The following CHN2 variants were observed in gnomAD, a reference collection of about 807,000 sequenced individuals.
CHN2 encodes the protein chimerin 2, also known as beta-chimaerin.
A neutral mutation model predicts 56.3 loss-of-function variants in CHN2; 35 were observed. That is an observed-to-expected ratio of 0.62 (90% CI 0.47 to 0.82). CHN2 has a LOEUF of 0.82. Among genes scored for constraint, CHN2 ranks in the 40% least tolerant of loss-of-function variants. CHN2 has a pLI of 0.00. For synonymous variants in CHN2, 210 were observed against 212.8 expected (o/e 0.99, Z 0.12); for missense variants, 491 against 580.5 (o/e 0.85, Z 1.58).
intron 2 of CHN2, among the ~76,000 whole-genome samples, chr7:29,187,826 CA>C (rs1255253950): frequency 6.6e-6 from 1 of 152,174 alleles, no homozygotes; most frequent in Admixed American, 6.5e-5. Flanking sequence ...ACCTGCCGTG[CA>C]GAATATAATT....
intron 8 of CHN2, among the ~76,000 whole-genome samples, chr7:29,496,410 A>C (rs1478881086): frequency 2.0e-5 from 3 of 152,140 alleles, no homozygotes; most frequent in Non-Finnish European, 4.4e-5. Flanking sequence ...TAAAAATAGT[A>C]ATAGTGCTGG....
intron 2 of CHN2, among the ~76,000 whole-genome samples, chr7:29,356,329 CAT>C (rs1798314558): frequency 6.6e-6 from 1 of 152,106 alleles, no homozygotes. Flanking sequence ...CACACACACA[CAT>C]ATATAAATAT....
At chr7:29,235,121 G>T (rs754924699) in intron 1 of CHN2, among the ~76,000 whole-genome samples, 4 of 151,990 alleles carry the variant, frequency 2.6e-5, no homozygotes, top group Admixed American at 6.6e-5. Flanking sequence ...TTGTTAAAAA[G>T]CAAATACCCA....
chr7:29,360,926 A>G (rs1254316470), intron 2 of CHN2, among the ~76,000 whole-genome samples: 1 of 152,156 alleles, frequency 6.6e-6, no homozygotes, highest in East Asian at 1.9e-4. Context: ...TGAGCTCACA[A>G]TTTCTTAATC....
At chr7:29,465,231 AT>A (rs1785465880) in intron 6 of CHN2, among the ~76,000 whole-genome samples, 1 of 152,194 alleles carries the variant, frequency 6.6e-6, no homozygotes, top group African/African-American at 2.4e-5. Context: ...AATTAAAATG[AT>A]TTTATGTTTA....
At chr7:29,296,867 C>T (rs970174369) in intron 1 of CHN2, among the ~76,000 whole-genome samples, 2 of 152,282 alleles carry the variant, frequency 1.3e-5, no homozygotes, top group East Asian at 1.9e-4. Context: ...AAACACTTTG[C>T]CTGTAACCTG....
chr7:29,295,533 C>T (rs1219095863), intron 1 of CHN2, among the ~76,000 whole-genome samples: 1 of 149,860 alleles, frequency 6.7e-6, no homozygotes, highest in Non-Finnish European at 1.5e-5. Flanking sequence ...GAGGCCAAGG[C>T]AAGTGGATCA....
Position 29,383,170 on chromosome 7 carries a change from T to C in CHN2, c.145-10509T>C, listed in dbSNP as rs1800653421. Among the ~76,000 whole-genome samples, 3 of 152,164 alleles carry C rather than the reference T, an allele frequency of 2.0e-5. No individual in the cohort carries two copies. In the South Asian group the frequency reaches 6.2e-4, roughly 32 times the overall value. On this transcript the variant is annotated intron_variant, in intron 3 of 12. Transcript: ENST00000222792. ...ATATAGTTTCCATTTGAATGGAAGA[T>C]ATTGGCAAAAAAATGTATTCATCAG...
intron 1 of CHN2, among the ~76,000 whole-genome samples, chr7:29,313,521 C>T (rs1794738525): frequency 1.3e-5 from 2 of 152,208 alleles, no homozygotes; most frequent in Admixed American, 1.3e-4. Context: ...ACACTCCCTA[C>T]AGTCCTCTGC....
At chr7:29,253,504 T>A (rs1788810260) in intron 1 of CHN2, among the ~76,000 whole-genome samples, 1 of 152,188 alleles carries the variant, frequency 6.6e-6, no homozygotes. Context: ...CTGAACAAAC[T>A]AGGCATTCTG....
intron 1 of CHN2, among the ~76,000 whole-genome samples, chr7:29,234,549 G>A (rs1787031709): frequency 6.6e-6 from 1 of 152,176 alleles, no homozygotes; most frequent in Non-Finnish European, 1.5e-5. Context: ...GGTGAGCATA[G>A]GAACTTTCTG....
At chr7:29,330,257 A>G (rs4722902) in intron 1 of CHN2, among the ~76,000 whole-genome samples, 126,893 of 152,150 alleles carry the variant, frequency 0.83, 52,955 homozygotes, top group Non-Finnish European at 0.85. Context: ...CTCATTCAAC[A>G]TAGTGGTTCG....
chr7:29,172,019 A>G (rs986233924), intron 2 of CHN2, among the ~76,000 whole-genome samples: 2 of 151,898 alleles, frequency 1.3e-5, no homozygotes, highest in Admixed American at 6.6e-5. Context: ...AGGAGAAAAA[A>G]CTCATGGAAT....
intron 2 of CHN2, among the ~76,000 whole-genome samples, chr7:29,166,643 A>G (rs1795953588): frequency 2.0e-5 from 3 of 152,106 alleles, no homozygotes; most frequent in African/African-American, 7.2e-5. Flanking sequence ...GTCAAATATT[A>G]TGGCAAAAAA....
intron 1 of CHN2, among the ~76,000 whole-genome samples, chr7:29,271,295 C>G (rs1186372816): frequency 6.6e-6 from 1 of 152,236 alleles, no homozygotes; most frequent in Non-Finnish European, 1.5e-5. Flanking sequence ...AGTGAAAACC[C>G]TCTGGTTGTT....
In CHN2 at chr7:29,510,754, A is replaced by ATCAAG. The variant is rs1003270795; in HGVS notation, c.1235+1351_1235+1355dup. On this transcript the variant is annotated intron_variant, in intron 12 of 12. Transcript: ENST00000222792. ...ACCGTGTTTTATCTGTTAGAAGCAA[A>ATCAAG]TCAAGTCCATCCCATACTTTAGGGG... 6.6e-5 allele frequency among the ~76,000 whole-genome samples: 10 copies of ATCAAG among 152,320 alleles called. 1 individual carries two copies. Among genetic ancestry groups the ATCAAG allele is most frequent in the South Asian group, 6.2e-4 (3 of 4,820 alleles).
chr7:29,212,719 G>A, intron 1 of CHN2: 3 of 1,597,976 alleles, frequency 1.9e-6, no homozygotes, highest in Non-Finnish European at 2.6e-6. Context: ...AACAGGTGAA[G>A]ACCTGGTTCT....
intron 6 of CHN2, among the ~76,000 whole-genome samples, chr7:29,477,050 C>T (rs1014219121): frequency 6.6e-6 from 1 of 152,114 alleles, no homozygotes; most frequent in Non-Finnish European, 1.5e-5. Flanking sequence ...AAGGAGCTGT[C>T]CTTGAGGAGC....
chr7:29,470,946 T>C (rs1259301624), intron 6 of CHN2, among the ~76,000 whole-genome samples: 1 of 152,172 alleles, frequency 6.6e-6, no homozygotes. Flanking sequence ...AGCAAATGAA[T>C]ATGGAATATG....
Sources: allele counts gnomAD v4.1 joint callset (sites outside exome capture counted in the v4.1 genomes callset), GRCh38; gene constraint gnomAD v4.1.1; transcripts MANE v1.5; gene names NCBI Gene and HGNC (gene_info 2026-07-23, HGNC 2026-07-21).